The following PTGES variants were observed in gnomAD, a reference collection of about 807,000 sequenced individuals.
PTGES encodes prostaglandin E synthase.
A neutral mutation model predicts 11.8 loss-of-function variants in PTGES; 3 were observed. That is an observed-to-expected ratio of 0.25 (90% CI 0.12 to 0.66). The LOEUF (loss-of-function observed/expected upper bound fraction) is 0.66. PTGES is among the 30% of genes least tolerant of loss of function. PTGES has a pLI of 0.82. For missense variants in PTGES, 180 were observed against 213.0 expected (o/e 0.85, Z 0.96); for synonymous variants, 94 against 90.4 (o/e 1.04, Z -0.22).
rs200765565 is a variant in PTGES, at chr9:129,752,874, G to A, written c.126+13C>T. The A allele has an allele frequency of 1.2e-4, 192 of 1,613,962 alleles. No individual in the cohort carries two copies. The African/African-American group carries it at 2.2e-3, about 19-fold the overall frequency. On this transcript the variant is annotated intron_variant, in intron 1 of 2. Coordinates refer to ENST00000340607, the MANE Select transcript of PTGES (RefSeq NM_004878.5). ...GTATGACCCAGGCCGGGGACCCCCA[G>A]GGAGGCACATACCTTCTTCCGCAGC...
Position 129,742,163 on chromosome 9 carries a change from CA to C in PTGES, c.210-2304del, listed in dbSNP as rs60701418. 3.4e-3 allele frequency among the ~76,000 whole-genome samples: 478 copies of C among 140,720 alleles called. 2 individuals are homozygous for C. The highest frequency in any genetic ancestry group is 0.01 in the African/African-American group (389 of 38,388). 92.3% of individuals were successfully genotyped at this position (140,720 alleles called of 152,430 possible). On this transcript the variant is annotated intron_variant, in intron 2 of 2. Coordinates refer to ENST00000340607, the MANE Select transcript of PTGES (RefSeq NM_004878.5). ...CAAAATCCCATCTCTACTAAAAGTACAAAAAAAAAAAATTAGCTGTACATGG... is the reference window on the plus strand; with the variant it reads ...CAAAATCCCATCTCTACTAAAAGTACAAAAAAAAAAATTAGCTGTACATGG...
At position 129,745,465 on chromosome 9, in the gene PTGES, C is replaced by A. The variant is rs375320456; in HGVS notation, c.209+3190G>T. On this transcript the variant is annotated intron_variant, in intron 2 of 2. Transcript: ENST00000340607. This position sits in a 1 kb window ranked among gnomAD's most constrained non-coding sequence, Gnocchi z 4.2. ...AACTTTTGCTTCCAGGTGGTCTCCC[C>A]CTTCGGGTTCCAGCCAGTTCTCCGG... Among the ~76,000 whole-genome samples the A allele has an allele frequency of 6.6e-6, 1 of 152,180 alleles. No homozygotes were observed. Among genetic ancestry groups the A allele is most frequent in the East Asian group, 1.9e-4 (1 of 5,200 alleles).
intron 1 of PTGES, among the ~76,000 whole-genome samples, chr9:129,750,765 G>A (rs927492242): frequency 4.4e-4 from 67 of 152,314 alleles, no homozygotes; most frequent in African/African-American, 1.4e-3. Context: ...CACGACCCCC[G>A]TTTACAGGTG....
At chr9:129,746,386 T>G (rs1833048767) in intron 2 of PTGES, among the ~76,000 whole-genome samples, 1 of 152,178 alleles carries the variant, frequency 6.6e-6, no homozygotes, top group South Asian at 2.1e-4. Context: ...GAGAAGGCTT[T>G]TGTTCTTGAA....
rs71497492 is a variant in PTGES, at chr9:129,748,009, C to CAAAAAA, written c.209+640_209+645dup. On this transcript the variant is annotated intron_variant, in intron 2 of 2. Transcript: ENST00000340607. ...TGGGCAACAGAGTGAGACTCTGTCT[C>CAAAAAA]AAAAAAAAAAAAAAAAAAAAAAAAA... 1.7e-3 allele frequency among the ~76,000 whole-genome samples: 40 copies of CAAAAAA among 23,426 alleles called. 3 individuals are homozygous for CAAAAAA. The highest frequency in any genetic ancestry group is 2.3e-3 in the Admixed American group (4 of 1,748). The allele number at this position is 23,426 out of a possible 152,430, so 15.4% of individuals were successfully genotyped here. A position where few individuals can be genotyped will look rare whatever the true frequency, so the allele number is the denominator to read the frequency against.
chr9:129,748,757 A>G lies in PTGES; in HGVS notation c.127-20T>C, dbSNP rs1174781154. 1.3e-6 allele frequency: 2 copies of G among 1,577,814 alleles called. No individual in the cohort carries two copies. Among genetic ancestry groups the G allele is most frequent in the African/African-American group, 1.4e-5 (1 of 73,122 alleles). On this transcript the variant is annotated intron_variant, in intron 1 of 2. Transcript: ENST00000340607. ...AAAGGCCTGAAATATACCAGTTGAG[A>G]GTCACTCCTCGTGAGACAAACGGCC...
intron 1 of PTGES, among the ~76,000 whole-genome samples, chr9:129,751,851 T>G (rs1314940130): frequency 6.6e-6 from 1 of 152,182 alleles, no homozygotes; most frequent in East Asian, 1.9e-4. Context: ...GGGGATCTCA[T>G]GCTCAGCTCC....
chr9:129,752,838 G>T (rs775346405), intron 1 of PTGES, 49 bp downstream of exon 1: 3 of 1,613,294 alleles, frequency 1.9e-6, no homozygotes, highest in Admixed American at 3.3e-5. Flanking sequence ...ACAGGACGTG[G>T]AGAGAAGCAA....
Position 129,752,998 on chromosome 9 carries a change from G to A in PTGES, c.15C>T (p.Ser5=). 1 of 1,606,652 alleles carries A rather than the reference G, an allele frequency of 6.2e-7. No individual in the cohort carries two copies. Among genetic ancestry groups the A allele is most frequent in the Non-Finnish European group, 8.5e-7 (1 of 1,179,874 alleles). The change falls in exon 1 of 3, where the codon AGC becomes AGT. Residue 5 remains serine, a synonymous_variant. Transcript: ENST00000340607. ...GGAGGGCCGGGCTGCTCATCACCAGGCTGTGGGCAGGCATCTCTGGCCAGC... is the reference window on the plus strand; with the variant it reads ...GGAGGGCCGGGCTGCTCATCACCAGACTGTGGGCAGGCATCTCTGGCCAGC... MPAH[S]LVMSSPALPA... is the part of the protein sequence containing the mutation.
At chr9:129,750,534 C>T (rs1371749196) in intron 1 of PTGES, among the ~76,000 whole-genome samples, 1 of 152,190 alleles carries the variant, frequency 6.6e-6, no homozygotes, top group African/African-American at 2.4e-5. Flanking sequence ...CCTGGAGATA[C>T]AACTCAGATA....
chr9:129,744,523 C>T (rs912400639), intron 2 of PTGES, among the ~76,000 whole-genome samples: 7 of 144,750 alleles, frequency 4.8e-5, no homozygotes, highest in East Asian at 2.1e-4. Context: ...ATCAGTGAGC[C>T]GGGATTCCAC....
intron 2 of PTGES, among the ~76,000 whole-genome samples, chr9:129,748,215 T>TA (rs67000610): frequency 0.12 from 8,435 of 70,736 alleles, 625 homozygotes; most frequent in African/African-American, 0.19. Context: ...GTTGCCATAT[T>TA]AAAAAAAAAA....
intron 2 of PTGES, among the ~76,000 whole-genome samples, chr9:129,743,918 G>A (rs1359761208): frequency 2.0e-5 from 3 of 152,052 alleles, no homozygotes; most frequent in Admixed American, 6.6e-5. Context: ...GCGTGATCTC[G>A]GCTCACTGCA....
In PTGES at chr9:129,739,351, A is replaced by G. The variant is rs201235382; in HGVS notation, c.*260T>C. 9 of 470,626 alleles carry G rather than the reference A, an allele frequency of 1.9e-5. No individual in the cohort carries two copies. The highest frequency in any genetic ancestry group is 1.0e-4 in the South Asian group (3 of 30,072). The allele number at this position is 470,626 out of a possible 1,614,324, so 29.2% of individuals were successfully genotyped here. On this transcript the variant is annotated 3_prime_UTR_variant, in exon 3 of 3. Transcript: ENST00000340607. This position sits in a 1 kb window ranked among gnomAD's most constrained non-coding sequence, Gnocchi z 5.7. ...ACTTTAGCTGAAGGATTTTCTATCA[A>G]TCTTCACAATCTGTCTTGAAATGGT...
intron 2 of PTGES, among the ~76,000 whole-genome samples, chr9:129,740,390 G>A (rs1234145363): frequency 6.6e-6 from 1 of 152,168 alleles, no homozygotes; most frequent in East Asian, 1.9e-4. Flanking sequence ...CCGAGTAGAA[G>A]GGGCTAGAGC....
At chr9:129,742,006 T>C (rs1030081985) in intron 2 of PTGES, among the ~76,000 whole-genome samples, 1 of 151,780 alleles carries the variant, frequency 6.6e-6, no homozygotes, top group Non-Finnish European at 1.5e-5. Context: ...GGAAAGGCAA[T>C]AGGTGTTCCT....
At chr9:129,743,041 C>T (rs1292147209) in intron 2 of PTGES, among the ~76,000 whole-genome samples, 2 of 152,220 alleles carry the variant, frequency 1.3e-5, no homozygotes, top group Non-Finnish European at 2.9e-5. Context: ...GTGGATCCTG[C>T]TCTGCCTGGC....
chr9:129,747,209 A>C (rs1833056522), intron 2 of PTGES, among the ~76,000 whole-genome samples: 1 of 152,264 alleles, frequency 6.6e-6, no homozygotes, highest in South Asian at 2.1e-4. Flanking sequence ...TAATTTTTTT[A>C]GTAACATTTA....
rs1257608008 is a variant in PTGES, at chr9:129,739,124, T to C, written c.*487A>G. 1 of 162,604 alleles carries C rather than the reference T, an allele frequency of 6.1e-6. No individual in the cohort carries two copies. The highest frequency in any genetic ancestry group is 1.3e-5 in the Non-Finnish European group (1 of 74,520). 10.1% of individuals were successfully genotyped at this position (162,604 alleles called of 1,614,324 possible). On this transcript the variant is annotated 3_prime_UTR_variant, in exon 3 of 3. Transcript: ENST00000340607. This position sits in a 1 kb window ranked among gnomAD's most constrained non-coding sequence, Gnocchi z 5.7. ...TCCAGCTTGGGCAACAGAGCAAGAC[T>C]CTGTCTTGGAAAAAAAAAAATACAG... is the stretch of plus-strand genomic sequence containing the variant.
Sources: allele counts gnomAD v4.1 joint callset (sites outside exome capture counted in the v4.1 genomes callset), GRCh38; gene constraint gnomAD v4.1.1; non-coding constraint Gnocchi (gnomAD v3.1); transcripts MANE v1.5; gene names NCBI Gene and HGNC (gene_info 2026-07-23, HGNC 2026-07-21).